Variants in MYBL2 observed in about 807,000 individuals in gnomAD.
MYBL2 encodes the protein myb-related protein B.
In MYBL2, 28 loss-of-function variants were observed where a neutral mutation model predicts 79.9. That is an observed-to-expected ratio of 0.35 (90% CI 0.26 to 0.48). The LOEUF (loss-of-function observed/expected upper bound fraction) is 0.48, where lower values mean the gene tolerates loss of function less well. Ranked by LOEUF, MYBL2 falls within the 20% of genes least tolerant of loss-of-function variation. MYBL2 has a pLI of 0.99. For missense variants in MYBL2, 735 were observed against 893.9 expected (o/e 0.82, Z 2.27); for synonymous variants, 378 against 361.2 (o/e 1.05, Z -0.53).
At chr20:43,685,303 C>G (rs1253629065) in intron 4 of MYBL2, among the ~76,000 whole-genome samples, 2 of 151,764 alleles carry the variant, frequency 1.3e-5, no homozygotes, top group African/African-American at 2.4e-5. Context: ...GCCTCAGCCT[C>G]CGGAGCAGCT....
At chr20:43,676,605 G>A (rs1180364260) in intron 2 of MYBL2, among the ~76,000 whole-genome samples, 1 of 152,186 alleles carries the variant, frequency 6.6e-6, no homozygotes, top group East Asian at 1.9e-4. Flanking sequence ...TTTGGCTATC[G>A]TGTATAGCGC....
chr20:43,710,241 C>G (rs1987875651), intron 10 of MYBL2, among the ~76,000 whole-genome samples, 179 bp downstream of exon 10: 1 of 152,202 alleles, frequency 6.6e-6, no homozygotes, highest in African/African-American at 2.4e-5. Flanking sequence ...GTCACTTCCT[C>G]CGACTGCTCC....
At chr20:43,704,422 C>G (rs1392271828) in intron 8 of MYBL2, among the ~76,000 whole-genome samples, 1 of 152,170 alleles carries the variant, frequency 6.6e-6, no homozygotes, top group Non-Finnish European at 1.5e-5. Context: ...CACAGGTCAG[C>G]CTGTAACATG....
chr20:43,693,513 A>G (rs1987463369), intron 6 of MYBL2, among the ~76,000 whole-genome samples: 1 of 151,800 alleles, frequency 6.6e-6, no homozygotes, highest in African/African-American at 2.4e-5. Flanking sequence ...TAATTTTTGT[A>G]TTCTTAGAGA....
chr20:43,693,621 G>C (rs761411370), intron 6 of MYBL2, among the ~76,000 whole-genome samples: 2 of 152,130 alleles, frequency 1.3e-5, no homozygotes, highest in Admixed American at 1.3e-4. Flanking sequence ...ACAGACGTGA[G>C]CCAGCATGCC....
intron 2 of MYBL2, among the ~76,000 whole-genome samples, chr20:43,677,298 AG>A: frequency 6.6e-6 from 1 of 152,212 alleles, no homozygotes; most frequent in East Asian, 1.9e-4. Context: ...CGGCACCGGT[AG>A]GATCAGTGTC....
intron 5 of MYBL2, among the ~76,000 whole-genome samples, chr20:43,691,130 C>T (rs1987396042): frequency 6.6e-6 from 1 of 152,050 alleles, no homozygotes; most frequent in Admixed American, 6.6e-5. Flanking sequence ...GGCCTTCTGC[C>T]CTCTTTGGCC....
chr20:43,676,051 C>T (rs552234745), intron 2 of MYBL2, among the ~76,000 whole-genome samples: 18 of 151,830 alleles, frequency 1.2e-4, no homozygotes, highest in African/African-American at 4.3e-4. Flanking sequence ...ATTACAGGCA[C>T]GTGCCACCAC....
At chr20:43,687,111 A>G in intron 5 of MYBL2, 39 bp downstream of exon 5, 7 of 1,594,184 alleles carry the variant, frequency 4.4e-6, no homozygotes, top group Non-Finnish European at 6.0e-6. Context: ...GGTTCCCGGG[A>G]GGCCAGGCCC....
At chr20:43,668,726 A>C (rs8121982) in intron 1 of MYBL2, among the ~76,000 whole-genome samples, 9,404 of 137,528 alleles carry the variant, frequency 0.068, 928 homozygotes, top group African/African-American at 0.22. Context: ...CTCCGTCTGC[A>C]GTCCAGGCCG....
intron 4 of MYBL2, among the ~76,000 whole-genome samples, chr20:43,686,295 A>AG (rs1987272484): frequency 6.6e-6 from 1 of 151,930 alleles, no homozygotes; most frequent in East Asian, 1.9e-4. Context: ...TTGTGTCCTG[A>AG]GCTAGGAAGC....
intron 11 of MYBL2, among the ~76,000 whole-genome samples, chr20:43,712,621 C>T (rs1456203679): frequency 6.6e-6 from 1 of 152,200 alleles, no homozygotes; most frequent in East Asian, 1.9e-4. Context: ...GTTTGTGTTC[C>T]CATATTACTG....
chr20:43,685,414 C>G (rs1303657090), intron 4 of MYBL2, among the ~76,000 whole-genome samples: 2 of 151,742 alleles, frequency 1.3e-5, no homozygotes, highest in African/African-American at 4.8e-5. Context: ...CTCCTGACCT[C>G]AGGTGATCCA....
chr20:43,683,478 A>G (rs1987190831), intron 4 of MYBL2, among the ~76,000 whole-genome samples: 2 of 151,694 alleles, frequency 1.3e-5, no homozygotes, highest in South Asian at 4.2e-4. Context: ...TCTCCTCGAT[A>G]CCAGCCCAGA....
At chr20:43,685,969 G>A (rs1170874349) in intron 4 of MYBL2, among the ~76,000 whole-genome samples, 2 of 152,094 alleles carry the variant, frequency 1.3e-5, no homozygotes, top group African/African-American at 2.4e-5. Context: ...CCCGGAAGGC[G>A]GAGGTTGTGG....
intron 2 of MYBL2, among the ~76,000 whole-genome samples, chr20:43,680,435 T>C (rs1987116606): frequency 1.3e-5 from 2 of 152,240 alleles, no homozygotes; most frequent in African/African-American, 2.4e-5. Flanking sequence ...TGCTGTAGCA[T>C]GTGTCAGAAT....
At chr20:43,711,298 G>T (rs890835328) in intron 10 of MYBL2, among the ~76,000 whole-genome samples, 190 bp from the exon 11 acceptor site, 1 of 152,198 alleles carries the variant, frequency 6.6e-6, no homozygotes, top group Non-Finnish European at 1.5e-5. Flanking sequence ...GGGAATCAAG[G>T]TCATCAGCTG....
intron 6 of MYBL2, among the ~76,000 whole-genome samples, chr20:43,698,495 A>G (rs1987608174): frequency 6.8e-6 from 1 of 147,396 alleles, no homozygotes; most frequent in African/African-American, 2.5e-5. Flanking sequence ...CTCCTGCCTC[A>G]GCCTCTCAAG....
chr20:43,690,504 C>T (rs1397595675), intron 5 of MYBL2, among the ~76,000 whole-genome samples: 1 of 152,048 alleles, frequency 6.6e-6, no homozygotes, highest in African/African-American at 2.4e-5. Context: ...GGCAGCATGC[C>T]CGGCAGCTGG....
Sources: allele counts gnomAD v4.1 joint callset (sites outside exome capture counted in the v4.1 genomes callset), GRCh38; gene constraint gnomAD v4.1.1; transcripts MANE v1.5; gene names NCBI Gene and HGNC (gene_info 2026-07-23, HGNC 2026-07-21).